The following UBE4B variants were observed in gnomAD, a reference collection of about 807,000 sequenced individuals.
UBE4B encodes the protein ubiquitin conjugation factor E4 B.
A neutral mutation model predicts 148.1 loss-of-function variants in UBE4B; 27 were observed. That is an observed-to-expected ratio of 0.18 (90% CI 0.13 to 0.25). The LOEUF (loss-of-function observed/expected upper bound fraction) is 0.25. UBE4B is among the 10% of genes least tolerant of loss of function. The probability of loss-of-function intolerance (pLI) is 1.00; values close to 1 mark genes in which losing one functional copy is unlikely to be tolerated. For synonymous variants in UBE4B, 596 were observed against 619.3 expected, an observed-to-expected ratio of 0.96 and a Z score of 0.56; for missense variants, 1,170 against 1,662.4, an observed-to-expected ratio of 0.70 and a Z score of 5.15.
At chr1:10,123,427 CAAAAAAAAAA>C (rs34527607) in intron 10 of UBE4B, among the ~76,000 whole-genome samples, 5 of 35,672 alleles carry the variant, frequency 1.4e-4, no homozygotes, top group Admixed American at 3.1e-4. Flanking sequence ...AAGACTGTCT[CAAAAAAAAAA>C]AAAAAAAAAA....
At chr1:10,139,478 T>C (rs1186916461) in intron 17 of UBE4B, among the ~76,000 whole-genome samples, 1 of 152,184 alleles carries the variant, frequency 6.6e-6, no homozygotes, top group Non-Finnish European at 1.5e-5. Flanking sequence ...AATTATGTTG[T>C]TTCTTCCTTA....
intron 8 of UBE4B, among the ~76,000 whole-genome samples, chr1:10,118,026 T>C (rs1456741098): frequency 2.0e-5 from 3 of 152,230 alleles, no homozygotes; most frequent in African/African-American, 4.8e-5. Context: ...CGGTATAACA[T>C]AGGCATTCTT....
intron 1 of UBE4B, among the ~76,000 whole-genome samples, chr1:10,049,965 G>T (rs1295532496): frequency 6.6e-6 from 1 of 152,102 alleles, no homozygotes; most frequent in Non-Finnish European, 1.5e-5. Flanking sequence ...CTTACTCTGG[G>T]CAAATTCTGT....
chr1:10,156,526 C>A (rs1231482128), intron 21 of UBE4B, among the ~76,000 whole-genome samples: 2 of 152,066 alleles, frequency 1.3e-5, no homozygotes, highest in Non-Finnish European at 2.9e-5. Context: ...AGATGCGGGG[C>A]CCTGCTGAGA....
intron 2 of UBE4B, among the ~76,000 whole-genome samples, chr1:10,084,563 C>G (rs1049906632): frequency 2.6e-5 from 4 of 151,970 alleles, no homozygotes; most frequent in African/African-American, 9.7e-5. Flanking sequence ...AAAAAACTAT[C>G]TTGTGTTTCT....
intron 23 of UBE4B, among the ~76,000 whole-genome samples, chr1:10,166,843 C>T (rs1022186817): frequency 9.2e-5 from 14 of 151,614 alleles, no homozygotes; most frequent in Non-Finnish European, 1.9e-4. Flanking sequence ...GAGAATGGCT[C>T]GAACCCGGGA....
At chr1:10,121,766 A>G (rs1260275756) in intron 9 of UBE4B, among the ~76,000 whole-genome samples, 196 bp from the exon 10 acceptor site, 5 of 152,150 alleles carry the variant, frequency 3.3e-5, no homozygotes, top group Non-Finnish European at 5.9e-5. Flanking sequence ...GAAAATTCCC[A>G]TAGTGTCTCA....
intron 17 of UBE4B, among the ~76,000 whole-genome samples, chr1:10,138,602 A>G (rs1645734836): frequency 6.6e-6 from 1 of 152,166 alleles, no homozygotes; most frequent in Non-Finnish European, 1.5e-5. Context: ...ACACATAATC[A>G]TGTCTATAAA....
At chr1:10,073,756 T>A (rs1644529062) in intron 2 of UBE4B, among the ~76,000 whole-genome samples, 1 of 151,938 alleles carries the variant, frequency 6.6e-6, no homozygotes, top group Non-Finnish European at 1.5e-5. Flanking sequence ...ATCAAATTCA[T>A]GATCACAAAC....
chr1:10,135,527 C>T (rs934745916), intron 16 of UBE4B, among the ~76,000 whole-genome samples: 3 of 151,326 alleles, frequency 2.0e-5, no homozygotes, highest in East Asian at 1.9e-4. Context: ...TCAAAAGGTC[C>T]GGAGTTCATG....
In UBE4B at chr1:10,106,601, GA is replaced by G; in HGVS notation, c.1196+19del. ...TCTCCTAGGTATTTATCCCACAGGA[GA>G]GTTGCATGTGTGTTTGCGGTGCAGG... On this transcript the variant is annotated intron_variant, in intron 7 of 27. Transcript: ENST00000343090. This position sits in a 1 kb window ranked among gnomAD's most constrained non-coding sequence, Gnocchi z 4.2. The G allele has an allele frequency of 6.6e-7, 1 of 1,517,386 alleles. No homozygotes were observed. The highest frequency in any genetic ancestry group is 8.8e-7 in the Non-Finnish European group (1 of 1,140,834). The allele number at this position is 1,517,386 out of a possible 1,614,324, so 94.0% of individuals were successfully genotyped here.
In UBE4B at chr1:10,079,591, A is replaced by C. The variant is rs1195138491; in HGVS notation, c.211+7377A>C. The stretch of plus-strand genomic sequence containing the variant: ...TCTTTATTAATGATTTAAATGAAAG[A>C]CTTAGCAACTAGTCAAACTGCTTCA... On this transcript the variant is annotated intron_variant, in intron 2 of 27. Transcript: ENST00000343090. 5.3e-5 allele frequency among the ~76,000 whole-genome samples: 8 copies of C among 152,244 alleles called. No homozygotes were observed. In the East Asian group the frequency reaches 1.5e-3, roughly 29 times the overall value.
intron 2 of UBE4B, chr1:10,072,522 G>A: frequency 1.4e-6 from 1 of 712,178 alleles, no homozygotes; most frequent in Non-Finnish European, 2.6e-6. Context: ...TATGAATTTG[G>A]TTGATGGTTT....
chr1:10,169,860 C>G (rs538703708), intron 24 of UBE4B, among the ~76,000 whole-genome samples: 20 of 152,226 alleles, frequency 1.3e-4, no homozygotes, highest in Non-Finnish European at 1.5e-4. Flanking sequence ...ACTAAAAATA[C>G]AAAAATTAGC....
intron 23 of UBE4B, among the ~76,000 whole-genome samples, chr1:10,165,167 C>T (rs766577206): frequency 2.0e-5 from 3 of 152,194 alleles, no homozygotes; most frequent in Non-Finnish European, 2.9e-5. Context: ...CTCAAACTCA[C>T]TGTGTCCAAA....
chr1:10,072,435 CTTT>C, intron 2 of UBE4B: 1 of 545,092 alleles, frequency 1.8e-6, no homozygotes. Flanking sequence ...TAACTTCCAT[CTTT>C]TTTTTTTTCA....
intron 1 of UBE4B, among the ~76,000 whole-genome samples, chr1:10,037,130 C>T (rs368533002): frequency 1.1e-4 from 16 of 151,868 alleles, no homozygotes; most frequent in African/African-American, 3.9e-4. Flanking sequence ...CGGGTTCAAG[C>T]GATTTTCCTG....
At chr1:10,171,523 A>T (rs1311028889) in intron 25 of UBE4B, among the ~76,000 whole-genome samples, 194 bp downstream of exon 25, 3 of 152,154 alleles carry the variant, frequency 2.0e-5, no homozygotes. Context: ...AGGCAGGGGG[A>T]TTGCTTGAGG....
intron 1 of UBE4B, among the ~76,000 whole-genome samples, chr1:10,050,788 A>G (rs1477447822): frequency 1.3e-5 from 2 of 148,572 alleles, no homozygotes; most frequent in South Asian, 2.1e-4. Context: ...CTGGTTTCCA[A>G]CTCCTGGCCT....
Sources: gnomAD v4.1 joint callset for allele counts (sites outside exome capture counted in the v4.1 genomes callset) on GRCh38, gnomAD v4.1.1 for gene constraint, Gnocchi (gnomAD v3.1) non-coding constraint, MANE v1.5 for transcripts, NCBI Gene and HGNC (gene_info 2026-07-23, HGNC 2026-07-21) for gene names.